The following SRCIN1 variants were observed in gnomAD, a reference collection of about 807,000 sequenced individuals.
The protein encoded by SRCIN1 is SRC kinase signaling inhibitor 1.
SRCIN1 carries 50 observed loss-of-function variants against 116.2 expected under a neutral mutation model. The observed-to-expected ratio is 0.43, with a 90% CI of 0.34 to 0.54. The LOEUF (loss-of-function observed/expected upper bound fraction) is 0.54, where lower values mean the gene tolerates loss of function less well. Among genes scored for constraint, SRCIN1 ranks in the 20% least tolerant of loss-of-function variants. The pLI is 0.02. For synonymous variants in SRCIN1, 736 were observed against 750.0 expected (o/e 0.98, Z 0.30); for missense variants, 1,446 against 1,672.0 (o/e 0.86, Z 2.36).
At chr17:38,589,962 A>G (rs1022156453) in intron 1 of SRCIN1, among the ~76,000 whole-genome samples, 1 of 152,212 alleles carries the variant, frequency 6.6e-6, no homozygotes, top group Non-Finnish European at 1.5e-5. Flanking sequence ...CCTCTGGGTC[A>G]GGCAGTCTTT....
intron 2 of SRCIN1, among the ~76,000 whole-genome samples, chr17:38,569,838 A>G (rs570190635): frequency 6.6e-6 from 1 of 152,282 alleles, no homozygotes; most frequent in East Asian, 1.9e-4. Context: ...GGACCAAGTA[A>G]CAGGCTCCAG....
intron 1 of SRCIN1, among the ~76,000 whole-genome samples, chr17:38,605,474 C>T (rs978167864): frequency 8.0e-5 from 12 of 150,162 alleles, no homozygotes; most frequent in African/African-American, 2.7e-4. Flanking sequence ...CAGCACTCCT[C>T]TCGCCCGGGT....
intron 1 of SRCIN1, among the ~76,000 whole-genome samples, chr17:38,580,394 A>G (rs1277785897): frequency 6.6e-6 from 1 of 152,192 alleles, no homozygotes; most frequent in African/African-American, 2.4e-5. Flanking sequence ...AACCAAGGGA[A>G]GAAGGGCTCC....
chr17:38,537,012 AC>A (rs764402239), intron 18 of SRCIN1, among the ~76,000 whole-genome samples: 1 of 151,752 alleles, frequency 6.6e-6, no homozygotes, highest in Non-Finnish European at 1.5e-5. Context: ...CGCCAACTCT[AC>A]CAAAAATTAC....
chr17:38,539,945 C>T (rs570616905), intron 18 of SRCIN1, among the ~76,000 whole-genome samples: 194 of 143,442 alleles, frequency 1.4e-3, no homozygotes, highest in African/African-American at 5.0e-3. Context: ...CGCTTGAACC[C>T]GGGAGGCAGA....
Position 38,533,204 on chromosome 17 carries a change from A to C in SRCIN1, c.*93T>G. On this transcript the variant is annotated 3_prime_UTR_variant, in exon 19 of 19. Coordinates refer to ENST00000617146, the MANE Select transcript of SRCIN1 (RefSeq NM_025248.3). ...GGCACACCCCTCAGGGCGTCTGGAG[A>C]GTAGGGTGGGGTGGGGTGGAGATGA... The C allele has an allele frequency of 7.2e-7, 1 of 1,382,224 alleles. No individual in the cohort carries two copies. The highest frequency in any genetic ancestry group is 9.4e-7 in the Non-Finnish European group (1 of 1,062,908). The allele number at this position is 1,382,224 out of a possible 1,614,324, so 85.6% of individuals were successfully genotyped here. A position where few individuals can be genotyped will look rare whatever the true frequency, so the allele number is the denominator to read the frequency against.
At chr17:38,541,212 C>T (rs1476096223) in intron 18 of SRCIN1, 3 of 151,048 alleles carry the variant, frequency 2.0e-5, no homozygotes, top group African/African-American at 7.4e-5. Context: ...GCACTCCAGC[C>T]CGGGTGACAG....
In SRCIN1 at chr17:38,530,646, GCACA is replaced by G. The variant is rs1299236455; in HGVS notation, c.*2647_*2650del. The G allele has an allele frequency of 6.6e-6, 1 of 152,362 alleles. No individual in the cohort carries two copies. The highest frequency in any genetic ancestry group is 1.5e-5 in the Non-Finnish European group (1 of 68,084). The allele number at this position is 152,362 out of a possible 1,614,324, so 9.4% of individuals were successfully genotyped here. Reference sequence around the variant, plus strand: ...TGGGTCTGCACCAGCACACATACCTGCACACACACACTCGGAGACACAGATTACA... The same window carrying G: ...TGGGTCTGCACCAGCACACATACCTGCACACACTCGGAGACACAGATTACA... On this transcript the variant is annotated 3_prime_UTR_variant, in exon 19 of 19. Coordinates refer to ENST00000617146, the MANE Select transcript of SRCIN1 (RefSeq NM_025248.3).
At chr17:38,598,944 C>A (rs900697382) in intron 1 of SRCIN1, among the ~76,000 whole-genome samples, 4 of 152,064 alleles carry the variant, frequency 2.6e-5, no homozygotes, top group South Asian at 2.1e-4. Flanking sequence ...CAGATGTAGG[C>A]AAGGTGTGCC....
At chr17:38,571,582 C>T (rs891084077) in intron 2 of SRCIN1, among the ~76,000 whole-genome samples, 1 of 152,144 alleles carries the variant, frequency 6.6e-6, no homozygotes, top group African/African-American at 2.4e-5. Flanking sequence ...TGTCTCCCTC[C>T]CCCATAGTCA....
At chr17:38,550,803 T>G (rs1905343667) in intron 15 of SRCIN1, among the ~76,000 whole-genome samples, 1 of 152,236 alleles carries the variant, frequency 6.6e-6, no homozygotes, top group East Asian at 1.9e-4. Flanking sequence ...CCATGGGAAC[T>G]GTGTCAGTAT....
At chr17:38,600,421 C>A (rs1908957851) in intron 1 of SRCIN1, among the ~76,000 whole-genome samples, 1 of 152,204 alleles carries the variant, frequency 6.6e-6, no homozygotes, top group South Asian at 2.1e-4. Flanking sequence ...CTGCAGGGGG[C>A]CTGGGCCCCA....
Position 38,562,620 on chromosome 17 carries a change from T to A in SRCIN1, c.834+207A>T, listed in dbSNP as rs144739522. Among the ~76,000 whole-genome samples, 571 of 152,312 alleles carry A rather than the reference T, an allele frequency of 3.7e-3. 3 individuals carry two copies. The highest frequency in any genetic ancestry group is 0.013 in the African/African-American group (555 of 41,560). The stretch of plus-strand genomic sequence containing the variant: ...CTCCTGAGAGAGGGCTTAGAATATC[T>A]GGAGGCAAGTTAGCAAAATCCCGAG... On this transcript the variant is annotated intron_variant, in intron 6 of 18. Transcript: ENST00000617146. This position sits in a 1 kb window ranked among gnomAD's most constrained non-coding sequence, Gnocchi z 4.2.
intron 1 of SRCIN1, among the ~76,000 whole-genome samples, chr17:38,597,350 G>A (rs924480548): frequency 6.6e-6 from 1 of 152,260 alleles, no homozygotes; most frequent in African/African-American, 2.4e-5. Context: ...AGGCTGAGGT[G>A]AGGATCTGGG....
At chr17:38,583,548 GTT>G (rs10691272) in intron 1 of SRCIN1, among the ~76,000 whole-genome samples, 3 of 104,272 alleles carry the variant, frequency 2.9e-5, no homozygotes, top group African/African-American at 7.7e-5. Context: ...TTCATTTTCT[GTT>G]TTTTTTTTTT....
chr17:38,579,647 A>G (rs1051652526), intron 1 of SRCIN1, among the ~76,000 whole-genome samples: 6 of 152,158 alleles, frequency 3.9e-5, no homozygotes, highest in Non-Finnish European at 7.4e-5. Flanking sequence ...GACCCATAAG[A>G]GACGTACAGG....
At chr17:38,540,740 G>GGTGTGT (rs151164930) in intron 18 of SRCIN1, among the ~76,000 whole-genome samples, 1,966 of 146,830 alleles carry the variant, frequency 0.013, 38 homozygotes, top group African/African-American at 0.046. Context: ...AGCTGGCAGG[G>GGTGTGT]GTGTGTGTGT....
intron 1 of SRCIN1, among the ~76,000 whole-genome samples, chr17:38,594,935 C>T (rs1314249232): frequency 6.6e-6 from 1 of 152,138 alleles, no homozygotes. Flanking sequence ...CCTTAGCCAT[C>T]AAGGTCACTA....
At chr17:38,566,906 C>CTTCCTTCCTTCCTTCCTTCT (rs1906745093) in intron 3 of SRCIN1, among the ~76,000 whole-genome samples, 3 of 134,660 alleles carry the variant, frequency 2.2e-5, no homozygotes, top group Admixed American at 7.3e-5. Flanking sequence ...TCCTTCTTTC[C>CTTCCTTCCTTCCTTCCTTCT]TTCCTTCCTT....
Sources: gnomAD v4.1 joint callset for allele counts (sites outside exome capture counted in the v4.1 genomes callset) on GRCh38, gnomAD v4.1.1 for gene constraint, Gnocchi (gnomAD v3.1) non-coding constraint, MANE v1.5 for transcripts, NCBI Gene and HGNC (gene_info 2026-07-23, HGNC 2026-07-21) for gene names.